ILDR1: variants seen among roughly 807,000 people sequenced by gnomAD.
ILDR1 encodes immunoglobulin-like domain-containing receptor 1.
A neutral mutation model predicts 62.4 loss-of-function variants in ILDR1; 56 were observed. The ratio of observed to expected loss-of-function variants is 0.90; its 90% confidence interval spans 0.72 to 1.12. The LOEUF is 1.12. ILDR1 is among the 50% of genes most tolerant of loss of function. ILDR1 has a pLI of 0.00. For synonymous variants in ILDR1, 284 were observed against 277.8 expected (o/e 1.02, Z -0.22); for missense variants, 736 against 710.6 (o/e 1.04, Z -0.41).
the ILDR1 span, among the ~76,000 whole-genome samples, chr3:122,041,923 A>G: frequency 1.6e-3 from 180 of 115,114 alleles, no homozygotes; most frequent in African/African-American, 5.7e-3. Context: ...TTTTTTTTTT[A>G]TTATTATTAT....
At chr3:122,034,060 A>G in the ILDR1 span, among the ~76,000 whole-genome samples, 1 of 152,218 alleles carries the variant, frequency 6.6e-6, no homozygotes, top group Non-Finnish European at 1.5e-5. Flanking sequence ...CAATAGATCA[A>G]TTTGGGAAGA....
the ILDR1 span, among the ~76,000 whole-genome samples, chr3:122,041,999 C>T: frequency 1.4e-5 from 2 of 138,434 alleles, no homozygotes; most frequent in African/African-American, 5.4e-5. Context: ...ATGTGCCATG[C>T]TGGTGCGCTG....
chr3:122,032,510 A>T, the ILDR1 span, among the ~76,000 whole-genome samples: 4 of 152,178 alleles, frequency 2.6e-5, no homozygotes, highest in Admixed American at 6.5e-5. Context: ...GTTTGGTCAT[A>T]GGATATGTAT....
the ILDR1 span, among the ~76,000 whole-genome samples, chr3:122,050,498 G>A: frequency 2.5e-4 from 38 of 151,590 alleles, no homozygotes; most frequent in African/African-American, 8.3e-4. Context: ...TCTTTTTAAA[G>A]CCGATAAAAC....
In ILDR1 at chr3:122,022,099, T is replaced by C; in HGVS notation, c.-22A>G. The C allele has an allele frequency of 6.3e-7, 1 of 1,591,664 alleles. No homozygotes were observed. The highest frequency in any genetic ancestry group is 1.1e-5 in the South Asian group (1 of 87,430). On this transcript the variant is annotated 5_prime_UTR_variant, in exon 1 of 8. Coordinates refer to ENST00000344209, the MANE Select transcript of ILDR1 (RefSeq NM_001199799.2). ...CCATGCCGCCCCCTTTCTGGCCCTT[T>C]TCAGCTCAGGGGCTTCGGGGCACTG... is the stretch of plus-strand genomic sequence containing the variant.
chr3:122,005,443 A>C (rs1251761918), intron 2 of ILDR1, 50 bp from the exon 3 acceptor site: 3 of 1,583,928 alleles, frequency 1.9e-6, no homozygotes, highest in Non-Finnish European at 2.6e-6. Flanking sequence ...GGGTTCCCAC[A>C]AAAAAAAGGT....
chr3:122,059,890 C>T, the ILDR1 span, among the ~76,000 whole-genome samples: 2 of 152,188 alleles, frequency 1.3e-5, no homozygotes, highest in African/African-American at 4.8e-5. Context: ...AGACACAGGG[C>T]GAAGACGGCC....
At chr3:122,002,360 C>G (rs1388618896) in intron 3 of ILDR1, among the ~76,000 whole-genome samples, 4 of 152,176 alleles carry the variant, frequency 2.6e-5, no homozygotes, top group Non-Finnish European at 4.4e-5. Flanking sequence ...AGCTGGTACT[C>G]TTAACCACCA....
rs1281223394 is a variant in ILDR1, at chr3:121,987,532, T to A, written c.*835A>T. On this transcript the variant is annotated 3_prime_UTR_variant, in exon 8 of 8. Transcript: ENST00000344209. ...TAAGGCTGGTGCAAAACTGCTTCTC[T>A]GTGATTTTCTACACTTACAATAAAT... 1 of 152,200 alleles carries A rather than the reference T, an allele frequency of 6.6e-6. No individual in the cohort carries two copies. Among genetic ancestry groups the A allele is most frequent in the East Asian group, 1.9e-4 (1 of 5,196 alleles). 9.4% of individuals were successfully genotyped at this position (152,200 alleles called of 1,614,324 possible).
In ILDR1 at chr3:122,007,376, A is replaced by T. The variant is rs2071631557; in HGVS notation, c.59-215T>A. 6.3e-6 allele frequency: 6 copies of T among 945,206 alleles called. No individual in the cohort carries two copies. In the Admixed American group the frequency reaches 1.1e-4, roughly 18 times the overall value. 58.6% of individuals were successfully genotyped at this position (945,206 alleles called of 1,614,324 possible). A position where few individuals can be genotyped will look rare whatever the true frequency, so the allele number is the denominator to read the frequency against. On this transcript the variant is annotated intron_variant, in intron 1 of 7. Transcript: ENST00000344209. Reference sequence around the variant, plus strand: ...CCTCAGAGGGACATAGGAAGAAAGGAGTGAGGAAAACTCCCAGGAATTTAC... The same window carrying T: ...CCTCAGAGGGACATAGGAAGAAAGGTGTGAGGAAAACTCCCAGGAATTTAC...
At chr3:122,024,118 G>A (rs940464212), upstream of ILDR1, among the ~76,000 whole-genome samples, 2 of 151,450 alleles carry the variant, frequency 1.3e-5, no homozygotes, top group Non-Finnish European at 2.9e-5. Flanking sequence ...GTAGTTCCCC[G>A]GAATGTTAAT....
intron 7 of ILDR1, among the ~76,000 whole-genome samples, chr3:121,991,017 T>G (rs1308413511): frequency 1.3e-5 from 2 of 152,146 alleles, no homozygotes; most frequent in African/African-American, 4.8e-5. Flanking sequence ...CCGGCCAACA[T>G]GGTGAAACCC....
the ILDR1 span, among the ~76,000 whole-genome samples, chr3:122,059,831 G>T: frequency 6.6e-6 from 1 of 152,130 alleles, no homozygotes. Flanking sequence ...CAAGACAATT[G>T]TTGTGCTTAT....
rs2071380793 is a variant in ILDR1 at position 121,993,304 on chromosome 3, T to A, written c.1445A>T (p.Glu482Val). 6.2e-7 allele frequency: 1 copy of A among 1,612,918 alleles called. No individual in the cohort carries two copies. ...LPSGLSSWSSEEDKERQPQSW... is the reference protein window; with the variant it reads ...LPSGLSSWSSVEDKERQPQSW... Reference sequence around the variant, plus strand: ...CTGGGGCTGCCTCTCCTTGTCCTCTTCAGAGCTCCAGGAACTGAGGCCGGA... The same window carrying A: ...CTGGGGCTGCCTCTCCTTGTCCTCTACAGAGCTCCAGGAACTGAGGCCGGA... Residue 482 changes from glutamate (E) to valine (V), a missense_variant, in exon 7 of 8, where the codon GAA becomes GTA. By Grantham distance (121) the Glu-to-Val change is moderately radical (BLOSUM62 -2). Transcript: ENST00000344209.
At chr3:122,003,069 C>A (rs969552136) in intron 3 of ILDR1, among the ~76,000 whole-genome samples, 9 of 152,186 alleles carry the variant, frequency 5.9e-5, no homozygotes, top group Non-Finnish European at 1.2e-4. Context: ...AAACAAGACC[C>A]TCTTCTGTCC....
chr3:122,032,154 AACC>A, the ILDR1 span, among the ~76,000 whole-genome samples: 1 of 152,200 alleles, frequency 6.6e-6, no homozygotes, highest in Non-Finnish European at 1.5e-5. Context: ...CCCCAAAGGT[AACC>A]ACCATTTTGA....
At chr3:122,039,587 A>T in the ILDR1 span, among the ~76,000 whole-genome samples, 2 of 152,196 alleles carry the variant, frequency 1.3e-5, no homozygotes, top group Non-Finnish European at 2.9e-5. Flanking sequence ...TCAGACAAAT[A>T]CTGGTAAAAT....
the ILDR1 span, among the ~76,000 whole-genome samples, chr3:122,051,854 A>C: frequency 5.9e-5 from 9 of 152,120 alleles, no homozygotes; most frequent in Non-Finnish European, 1.3e-4. Context: ...TTTTCTGTGG[A>C]TACGTTTTCT....
At chr3:122,046,225 T>C in the ILDR1 span, among the ~76,000 whole-genome samples, 1 of 149,946 alleles carries the variant, frequency 6.7e-6, no homozygotes. Flanking sequence ...ATTCTTTTCT[T>C]TAAGAATGTT....
Sources: gnomAD v4.1 joint callset for allele counts (sites outside exome capture counted in the v4.1 genomes callset) on GRCh38, gnomAD v4.1.1 for gene constraint, MANE v1.5 for transcripts, NCBI Gene and HGNC (gene_info 2026-07-23, HGNC 2026-07-21) for gene names.